The following COA1 variants were observed in gnomAD, a reference collection of about 807,000 sequenced individuals.
COA1 encodes cytochrome c oxidase assembly factor 1 homolog.
Under a neutral mutation model 16.0 loss-of-function variants are expected in COA1, and 13 were observed. The ratio of observed to expected loss-of-function variants is 0.81; its 90% CI spans 0.53 to 1.29. COA1 has a LOEUF of 1.29. Among genes scored for constraint, COA1 ranks in the 50% most tolerant of loss-of-function variants. The pLI is 0.00. For missense variants in COA1, 179 were observed against 177.0 expected, an observed-to-expected ratio of 1.01 and a Z score of -0.06; for synonymous variants, 65 against 65.7, an observed-to-expected ratio of 0.99 and a Z score of 0.05.
chr7:43,677,759 C>G (rs1264766766), intron 1 of COA1, among the ~76,000 whole-genome samples: 1 of 141,610 alleles, frequency 7.1e-6, no homozygotes, highest in Non-Finnish European at 1.5e-5. Context: ...AGATCATATA[C>G]CACTGCACTC....
intron 1 of COA1, among the ~76,000 whole-genome samples, chr7:43,728,906 A>C (rs144892896): frequency 6.6e-6 from 1 of 152,360 alleles, no homozygotes; most frequent in South Asian, 2.1e-4. Context: ...ATAGGCACTG[A>C]TATATACATA....
chr7:43,646,273 G>T, intron 3 of COA1: 1 of 278,374 alleles, frequency 3.6e-6, no homozygotes, highest in South Asian at 3.3e-5. Flanking sequence ...AGCTATGATA[G>T]GAAAAGAAGG....
intron 4 of COA1, 21 bp downstream of exon 4, chr7:43,645,230 T>C: frequency 6.2e-7 from 1 of 1,612,264 alleles, no homozygotes; most frequent in Non-Finnish European, 8.5e-7. Context: ...CAGCCTGCGG[T>C]TCGCAGGGAA....
intron 1 of COA1, among the ~76,000 whole-genome samples, chr7:43,685,374 T>C (rs2093976318): frequency 1.3e-5 from 2 of 152,158 alleles, no homozygotes; most frequent in Admixed American, 1.3e-4. Flanking sequence ...GAGATTTTAA[T>C]TTCTGACGTG....
chr7:43,635,500 C>T (rs780139095), downstream of COA1, among the ~76,000 whole-genome samples: 20 of 152,224 alleles, frequency 1.3e-4, no homozygotes, highest in African/African-American at 3.6e-4. Flanking sequence ...ATCTTAGGGA[C>T]GAAGGCAAAG....
At chr7:43,661,651 G>GAAAC (rs71011936) in intron 1 of COA1, among the ~76,000 whole-genome samples, 21,767 of 123,990 alleles carry the variant, frequency 0.18, 2,111 homozygotes, top group Non-Finnish European at 0.24. Flanking sequence ...AAAAAAAAAA[G>GAAAC]AGACATTTCC....
At chr7:43,634,115 G>C (rs1583996045) in intron 6 of COA1, among the ~76,000 whole-genome samples, 1 of 151,898 alleles carries the variant, frequency 6.6e-6, no homozygotes, top group African/African-American at 2.4e-5. Flanking sequence ...ATTGCTCACT[G>C]AATCTTTTTT....
chr7:43,717,629 T>C (rs2095421631), intron 1 of COA1, among the ~76,000 whole-genome samples: 1 of 152,140 alleles, frequency 6.6e-6, no homozygotes, highest in Non-Finnish European at 1.5e-5. Context: ...AGTTAAGATT[T>C]TGGGGGACTG....
At chr7:43,710,620 G>A (rs760857441) in intron 1 of COA1, among the ~76,000 whole-genome samples, 4 of 151,994 alleles carry the variant, frequency 2.6e-5, no homozygotes, top group African/African-American at 4.8e-5. Flanking sequence ...TAACAACTAG[G>A]CAGTGCAGCA....
At chr7:43,615,603 CAAAG>C (rs1203264675) in intron 6 of COA1, among the ~76,000 whole-genome samples, 3 of 152,126 alleles carry the variant, frequency 2.0e-5, no homozygotes, top group Non-Finnish European at 4.4e-5. Context: ...AGCTAATTAA[CAAAG>C]AAAACGTGGC....
chr7:43,661,155 A>C (rs1025805597), intron 1 of COA1, among the ~76,000 whole-genome samples: 2 of 152,246 alleles, frequency 1.3e-5, no homozygotes, highest in African/African-American at 4.8e-5. Context: ...TAGTTACTTT[A>C]GTATGCTATG....
intron 6 of COA1, chr7:43,631,600 A>C (rs1434308134): frequency 6.6e-6 from 1 of 152,212 alleles, no homozygotes; most frequent in Non-Finnish European, 1.5e-5. Flanking sequence ...CCAGAGAGAA[A>C]TCCACTGTCA....
chr7:43,644,762 G>GATAGATAGATAGA (rs1563228848), intron 4 of COA1, among the ~76,000 whole-genome samples: 56 of 80,096 alleles, frequency 7.0e-4, no homozygotes, highest in Non-Finnish European at 8.5e-4. Flanking sequence ...AGATAGATAG[G>GATAGATAGATAGA]CAGGCAGGCA....
downstream of COA1, among the ~76,000 whole-genome samples, chr7:43,637,084 G>C (rs1347025838): frequency 6.6e-6 from 1 of 152,174 alleles, no homozygotes; most frequent in Non-Finnish European, 1.5e-5. Flanking sequence ...CTTGCATGTT[G>C]TGCTCTCCAT....
intron 4 of COA1, chr7:43,641,136 G>T (rs959733554): frequency 4.6e-5 from 7 of 152,230 alleles, no homozygotes; most frequent in African/African-American, 1.7e-4. Context: ...AAAAGTGACT[G>T]CCTCTGGTGG....
At chr7:43,689,560 C>G (rs972488216) in intron 1 of COA1, among the ~76,000 whole-genome samples, 142 of 152,256 alleles carry the variant, frequency 9.3e-4, no homozygotes, top group African/African-American at 3.3e-3. Context: ...TAAATACTTT[C>G]CAGACAAACA....
intron 4 of COA1, 61 bp downstream of exon 4, chr7:43,645,190 C>CT: frequency 3.2e-6 from 5 of 1,547,328 alleles, no homozygotes; most frequent in Non-Finnish European, 4.4e-6. Context: ...TTCCAGGAGA[C>CT]AGTAGACTCT....
intron 1 of COA1, among the ~76,000 whole-genome samples, chr7:43,694,504 G>T (rs760125302): frequency 6.6e-6 from 1 of 152,046 alleles, no homozygotes; most frequent in African/African-American, 2.4e-5. Context: ...AATTCTCAGC[G>T]CTCATTTTAC....
At chr7:43,703,474 G>A (rs775156369) in intron 1 of COA1, among the ~76,000 whole-genome samples, 37 of 152,248 alleles carry the variant, frequency 2.4e-4, no homozygotes, top group Admixed American at 5.9e-4. Context: ...AAGTTTCTTT[G>A]CAGGTCTCTA....
Sources: gnomAD v4.1 joint callset for allele counts (sites outside exome capture counted in the v4.1 genomes callset) on GRCh38, gnomAD v4.1.1 for gene constraint, MANE v1.5 for transcripts, NCBI Gene and HGNC (gene_info 2026-07-23, HGNC 2026-07-21) for gene names.